CA10: variants seen among roughly 807,000 people sequenced by gnomAD.
CA10 encodes carbonic anhydrase 10 (inactive).
A neutral mutation model predicts 44.2 loss-of-function variants in CA10; 14 were observed. The ratio of observed to expected loss-of-function variants is 0.32; its 90% CI spans 0.21 to 0.50. The LOEUF (loss-of-function observed/expected upper bound fraction) is 0.50, where lower values mean the gene tolerates loss of function less well. CA10 is among the 20% of genes least tolerant of loss of function. The pLI is 0.99. For synonymous variants in CA10, 159 were observed against 141.6 expected (o/e 1.12, Z -0.87); for missense variants, 350 against 409.7 (o/e 0.85, Z 1.26).
intron 2 of CA10, among the ~76,000 whole-genome samples, chr17:51,947,363 T>C (rs928422601): frequency 6.6e-6 from 1 of 152,012 alleles, no homozygotes; most frequent in Non-Finnish European, 1.5e-5. Context: ...CGACAAAGGT[T>C]CACATACCTG....
In CA10 at chr17:51,863,556, T is replaced by C. The variant is rs571914424; in HGVS notation, c.279+67434A>G. Among the ~76,000 whole-genome samples, 9 of 152,328 alleles carry C rather than the reference T, an allele frequency of 5.9e-5. No individual in the cohort carries two copies. The South Asian group carries it at 1.5e-3, about 25-fold the overall frequency. On this transcript the variant is annotated intron_variant, in intron 3 of 8. Coordinates refer to ENST00000451037, the MANE Select transcript of CA10 (RefSeq NM_020178.5). ...AGTCCCAGCTTCACAGTTAAGGGCATAGTTTTCCACAAACTCCTCTCACTT... is the reference window on the plus strand; with the variant it reads ...AGTCCCAGCTTCACAGTTAAGGGCACAGTTTTCCACAAACTCCTCTCACTT...
chr17:51,894,517 TAAG>T (rs1444551719), intron 3 of CA10, among the ~76,000 whole-genome samples: 1 of 152,104 alleles, frequency 6.6e-6, no homozygotes, highest in African/African-American at 2.4e-5. Flanking sequence ...GCTTCTGTCT[TAAG>T]AATTTATACC....
In CA10 at chr17:51,891,002, T is replaced by C. The variant is rs184175364; in HGVS notation, c.279+39988A>G. ...ATTTTTATAAGTAGGTCAACAATAGTTCAGGAAAGATGGAATTCCAGATCT... is the reference window on the plus strand; with the variant it reads ...ATTTTTATAAGTAGGTCAACAATAGCTCAGGAAAGATGGAATTCCAGATCT... On this transcript the variant is annotated intron_variant, in intron 3 of 8. Transcript: ENST00000451037. Among the ~76,000 whole-genome samples the C allele has an allele frequency of 9.8e-4, 149 of 152,268 alleles. 1 individual carries two copies. The highest frequency in any genetic ancestry group is 3.5e-3 in the African/African-American group (145 of 41,528).
intron 3 of CA10, among the ~76,000 whole-genome samples, chr17:51,760,910 GA>G (rs1293975029): frequency 7.9e-5 from 12 of 152,120 alleles, no homozygotes; most frequent in African/African-American, 2.2e-4. Context: ...AATTATGAAT[GA>G]GGTGTTTTAT....
chr17:51,746,937 G>A (rs545578568), intron 4 of CA10, among the ~76,000 whole-genome samples: 4 of 152,332 alleles, frequency 2.6e-5, no homozygotes, highest in Admixed American at 6.5e-5. Context: ...CATTTAGCCT[G>A]TAAGGACCCC....
intron 2 of CA10, among the ~76,000 whole-genome samples, chr17:52,059,940 CT>C (rs1987336910): frequency 6.6e-6 from 1 of 152,180 alleles, no homozygotes; most frequent in South Asian, 2.1e-4. Flanking sequence ...TCGAGAAATA[CT>C]ACCTGTTAAT....
intron 4 of CA10, among the ~76,000 whole-genome samples, chr17:51,712,186 C>T (rs115292500): frequency 0.014 from 2,084 of 152,258 alleles, 50 homozygotes; most frequent in African/African-American, 0.047. Flanking sequence ...TTGCAGTGTC[C>T]ACTGAATATG....
intron 2 of CA10, among the ~76,000 whole-genome samples, chr17:51,995,014 T>C (rs1002095890): frequency 6.6e-6 from 1 of 152,078 alleles, no homozygotes; most frequent in Non-Finnish European, 1.5e-5. Flanking sequence ...CTATAGGTCT[T>C]TTTTTCTTTC....
intron 3 of CA10, among the ~76,000 whole-genome samples, chr17:51,925,181 C>T (rs1425962267): frequency 6.6e-6 from 1 of 152,140 alleles, no homozygotes. Context: ...CAAGCCACTG[C>T]ACCCTGCTTC....
chr17:51,765,499 G>C (rs1302146207), intron 3 of CA10, among the ~76,000 whole-genome samples: 1 of 152,200 alleles, frequency 6.6e-6, no homozygotes, highest in Admixed American at 6.5e-5. Context: ...GCGTGGAGCT[G>C]TACTTACTGT....
chr17:51,764,677 G>C (rs1905305744), intron 3 of CA10, among the ~76,000 whole-genome samples: 1 of 152,170 alleles, frequency 6.6e-6, no homozygotes, highest in Admixed American at 6.5e-5. Flanking sequence ...ATGACTCCAA[G>C]GGCCCAGTAC....
At chr17:51,831,563 T>C (rs1214322999) in intron 3 of CA10, among the ~76,000 whole-genome samples, 6 of 152,108 alleles carry the variant, frequency 3.9e-5, no homozygotes, top group Non-Finnish European at 5.9e-5. Flanking sequence ...AGACTATCAA[T>C]GGCTCCAAGT....
chr17:52,124,078 T>C (rs1360948618), intron 1 of CA10, among the ~76,000 whole-genome samples: 1 of 152,238 alleles, frequency 6.6e-6, no homozygotes, highest in Non-Finnish European at 1.5e-5. Context: ...CAAGATAGTA[T>C]ACAACCTTAA....
At chr17:51,768,164 T>A (rs1281884618) in intron 3 of CA10, among the ~76,000 whole-genome samples, 1 of 138,950 alleles carries the variant, frequency 7.2e-6, no homozygotes, top group Non-Finnish European at 1.6e-5. Context: ...CATAAAGATG[T>A]GCTTTTTTTT....
At chr17:52,020,581 G>C (rs945784556) in intron 2 of CA10, among the ~76,000 whole-genome samples, 3 of 151,914 alleles carry the variant, frequency 2.0e-5, no homozygotes, top group Non-Finnish European at 4.4e-5. Context: ...ACTTGGTATA[G>C]AATTTCAAAA....
rs945234488 is a variant in CA10, at chr17:51,722,180, TATAATA to T, written c.465+25447_465+25452del. On this transcript the variant is annotated intron_variant, in intron 4 of 8. Transcript: ENST00000451037. ...GAGAATTTGCTGGTGTTAAAAAACATATAATAATAATAATAATGAATTATGCTTTTA... is the reference window on the plus strand; with the variant it reads ...GAGAATTTGCTGGTGTTAAAAAACATATAATAATAATGAATTATGCTTTTA... Among the ~76,000 whole-genome samples the T allele has an allele frequency of 8.7e-4, 132 of 152,132 alleles. 1 individual carries two copies. The highest frequency in any genetic ancestry group is 2.9e-3 in the African/African-American group (121 of 41,524).
At chr17:51,914,339 C>T (rs1981906802) in intron 3 of CA10, among the ~76,000 whole-genome samples, 1 of 152,096 alleles carries the variant, frequency 6.6e-6, no homozygotes, top group Non-Finnish European at 1.5e-5. Context: ...TGTGTTTTCC[C>T]CTGACTCTAT....
intron 4 of CA10, among the ~76,000 whole-genome samples, chr17:51,716,527 C>T (rs1916119988): frequency 6.6e-6 from 1 of 152,132 alleles, no homozygotes; most frequent in African/African-American, 2.4e-5. Flanking sequence ...TTCTCTGTCC[C>T]CTCCTGGTTC....
At chr17:52,023,283 G>A (rs1265955900) in intron 2 of CA10, among the ~76,000 whole-genome samples, 1 of 151,986 alleles carries the variant, frequency 6.6e-6, no homozygotes, top group East Asian at 1.9e-4. Context: ...GAACAAAATA[G>A]AGAGCCCAGA....
Sources: gnomAD v4.1 joint callset for allele counts (sites outside exome capture counted in the v4.1 genomes callset) on GRCh38, gnomAD v4.1.1 for gene constraint, MANE v1.5 for transcripts, NCBI Gene and HGNC (gene_info 2026-07-23, HGNC 2026-07-21) for gene names.